ITSN2: variants seen among roughly 807,000 people sequenced by gnomAD.
The protein encoded by ITSN2 is intersectin 2, also known as intersectin-2.
ITSN2 carries 156 observed loss-of-function variants against 243.7 expected under a neutral mutation model. That is an observed-to-expected ratio of 0.64 (90% CI 0.56 to 0.73). ITSN2 has a LOEUF of 0.73. Among genes scored for constraint, ITSN2 ranks in the 30% least tolerant of loss-of-function variants. ITSN2 has a pLI of 0.00. For synonymous variants in ITSN2, 703 were observed against 699.9 expected (o/e 1.00, Z -0.07); for missense variants, 1,801 against 1,996.1 (o/e 0.90, Z 1.86).
chr2:24,301,212 A>G lies in ITSN2; in HGVS notation c.1023T>C (p.Asn341=). Residue 341 remains asparagine, a synonymous_variant, in exon 11 of 40, where the codon AAT becomes AAC. Coordinates refer to ENST00000355123, the MANE Select transcript of ITSN2 (RefSeq NM_006277.3). ...FRGGKQIDSI[N]GTLPSYQKMQ... The stretch of plus-strand genomic sequence containing the variant: ...TTTTCTGATATGAAGGCAGAGTTCC[A>G]TTAATGGAATCAATTTGCTTTCCTC... 6.2e-7 allele frequency: 1 copy of G among 1,608,288 alleles called. No individual in the cohort carries two copies.
rs1558428975 is a variant in ITSN2, at chr2:24,210,885, C to T, written c.4152G>A (p.Arg1384=). The T allele has an allele frequency of 6.2e-7, 1 of 1,614,200 alleles. No individual in the cohort carries two copies. The highest frequency in any genetic ancestry group is 1.3e-5 in the African/African-American group (1 of 75,052). The change falls in exon 34 of 40, where the codon CGG becomes CGA. Residue 1384 remains arginine, a synonymous_variant. Transcript: ENST00000355123. ...DHSSLKLALE[R]AEELCSQVNE... ...TCACTTGAGAGCACAGCTCCTCTGCCCGCTCGAGGGCCAGCTTTAGGGAGG... is the reference window on the plus strand; with the variant it reads ...TCACTTGAGAGCACAGCTCCTCTGCTCGCTCGAGGGCCAGCTTTAGGGAGG...
At chr2:24,326,270 T>A (rs961087357) in intron 2 of ITSN2, among the ~76,000 whole-genome samples, 1 of 152,226 alleles carries the variant, frequency 6.6e-6, no homozygotes, top group Admixed American at 6.5e-5. Flanking sequence ...ATTCACATAA[T>A]CATTCTTTTG....
At position 24,212,880 on chromosome 2, in the gene ITSN2, T is replaced by G. The variant is rs868522349; in HGVS notation, c.3991-132A>C. On this transcript the variant is annotated intron_variant, in intron 32 of 39. Coordinates refer to ENST00000355123, the MANE Select transcript of ITSN2 (RefSeq NM_006277.3). ...TCTCCCTGTCTTACTGTTTTAGAAT[T>G]TTTTTTAGGTGAGTGTTCTATTTTT... The G allele has an allele frequency of 1.4e-5, 10 of 719,302 alleles. No homozygotes were observed. The Middle Eastern group carries it at 1.0e-3, about 72-fold the overall frequency. The allele number at this position is 719,302 out of a possible 1,614,324, so 44.6% of individuals were successfully genotyped here.
chr2:24,348,239 A>G (rs1301645438), intron 1 of ITSN2, among the ~76,000 whole-genome samples: 2 of 138,228 alleles, frequency 1.4e-5, no homozygotes, highest in African/African-American at 2.8e-5. Flanking sequence ...CAGTGGCGCG[A>G]TATCAGCTCA....
intron 20 of ITSN2, among the ~76,000 whole-genome samples, chr2:24,263,262 T>C (rs555515461): frequency 1.4e-4 from 21 of 152,328 alleles, no homozygotes; most frequent in African/African-American, 3.6e-4. Flanking sequence ...CTGTCTAGCA[T>C]AGTAGAAATC....
intron 2 of ITSN2, among the ~76,000 whole-genome samples, chr2:24,325,462 C>T (rs981316173): frequency 5.3e-5 from 8 of 151,958 alleles, no homozygotes; most frequent in Non-Finnish European, 1.2e-4. Flanking sequence ...TAATTCAAAG[C>T]CAATTTTAAA....
chr2:24,306,934 T>G (rs1028793247), intron 8 of ITSN2, among the ~76,000 whole-genome samples: 1 of 151,752 alleles, frequency 6.6e-6, no homozygotes, highest in South Asian at 2.1e-4. Context: ...GCCTCCAGAG[T>G]AGCTGGGACT....
chr2:24,285,323 T>C (rs1679362724), intron 16 of ITSN2, among the ~76,000 whole-genome samples: 1 of 152,234 alleles, frequency 6.6e-6, no homozygotes, highest in Admixed American at 6.5e-5. Flanking sequence ...AAGTGTATTA[T>C]TAACATTGTT....
At chr2:24,210,631 A>AG (rs962368517) in intron 34 of ITSN2, 149 bp downstream of exon 34, 88 of 631,324 alleles carry the variant, frequency 1.4e-4, no homozygotes, top group Non-Finnish European at 1.9e-4. Flanking sequence ...AAAAAAAAAA[A>AG]AAAGAAAAAA....
chr2:24,233,756 C>G (rs530732034), intron 29 of ITSN2, among the ~76,000 whole-genome samples: 1 of 152,254 alleles, frequency 6.6e-6, no homozygotes, highest in East Asian at 1.9e-4. Flanking sequence ...TATTATTATT[C>G]TCACTTATAC....
At chr2:24,323,379 T>C (rs1684801004) in intron 2 of ITSN2, among the ~76,000 whole-genome samples, 1 of 152,206 alleles carries the variant, frequency 6.6e-6, no homozygotes. Flanking sequence ...TACACATTTA[T>C]ACAATGGACT....
At chr2:24,274,957 A>G (rs1273478714) in intron 18 of ITSN2, among the ~76,000 whole-genome samples, 2 of 152,232 alleles carry the variant, frequency 1.3e-5, no homozygotes, top group African/African-American at 4.8e-5. Flanking sequence ...AATACCATGC[A>G]AAGTTTCTAA....
chr2:24,300,296 G>T (rs749553525), intron 11 of ITSN2, 125 bp from the exon 12 acceptor site: 13 of 823,292 alleles, frequency 1.6e-5, no homozygotes, highest in Non-Finnish European at 2.2e-5. Flanking sequence ...CTTCTCCTAA[G>T]GATAATTTTA....
chr2:24,290,265 C>T (rs10170659), intron 15 of ITSN2, among the ~76,000 whole-genome samples: 1 of 152,044 alleles, frequency 6.6e-6, no homozygotes, highest in Admixed American at 6.5e-5. Context: ...AAAAAAGAAA[C>T]CTGATTGTTA....
chr2:24,216,623 G>A (rs577221116), intron 31 of ITSN2, among the ~76,000 whole-genome samples: 1 of 151,900 alleles, frequency 6.6e-6, no homozygotes, highest in South Asian at 2.1e-4. Flanking sequence ...GCATGGTGGT[G>A]CACGCCTGTA....
At chr2:24,272,296 C>T (rs1039585557) in intron 18 of ITSN2, among the ~76,000 whole-genome samples, 1 of 152,170 alleles carries the variant, frequency 6.6e-6, no homozygotes, top group Non-Finnish European at 1.5e-5. Flanking sequence ...AGTTTCCTTC[C>T]TTTCTCTCCA....
intron 17 of ITSN2, among the ~76,000 whole-genome samples, chr2:24,278,929 G>A (rs2151506192): frequency 6.6e-6 from 1 of 152,224 alleles, no homozygotes; most frequent in Middle Eastern, 3.4e-3. Context: ...TGGGATTGCA[G>A]GTGTGAGCCA....
At chr2:24,315,751 G>T (rs1683835873) in intron 2 of ITSN2, among the ~76,000 whole-genome samples, 1 of 152,092 alleles carries the variant, frequency 6.6e-6, no homozygotes, top group Admixed American at 6.5e-5. Context: ...TTTAAAGTGT[G>T]GCACTTCCCC....
At chr2:24,231,230 G>A (rs1463351909) in intron 29 of ITSN2, among the ~76,000 whole-genome samples, 1 of 152,050 alleles carries the variant, frequency 6.6e-6, no homozygotes, top group Admixed American at 6.6e-5. Flanking sequence ...CATTTTGTTC[G>A]TTTTCTGTTT....
Sources: allele counts gnomAD v4.1 joint callset (sites outside exome capture counted in the v4.1 genomes callset), GRCh38; gene constraint gnomAD v4.1.1; transcripts MANE v1.5; gene names NCBI Gene and HGNC (gene_info 2026-07-23, HGNC 2026-07-21).